The following SEPTIN11 variants were observed in gnomAD, a reference collection of about 807,000 sequenced individuals.
SEPTIN11 encodes the protein septin 11, also known as septin-11.
In SEPTIN11, 25 loss-of-function variants were observed where a neutral mutation model predicts 51.4. That is an observed-to-expected ratio of 0.49 (90% CI 0.35 to 0.68). The LOEUF is 0.68. SEPTIN11 is among the 30% of genes least tolerant of loss of function. The probability of loss-of-function intolerance (pLI) is 0.00; values close to 1 mark genes in which losing one functional copy is unlikely to be tolerated. For missense variants in SEPTIN11, 381 were observed against 520.8 expected (o/e 0.73, Z 2.61); for synonymous variants, 174 against 184.1 (o/e 0.95, Z 0.44).
chr4:76,996,399 C>G, intron 1 of SEPTIN11, 26 bp from the exon 2 acceptor site: 2 of 1,533,746 alleles, frequency 1.3e-6, no homozygotes, highest in African/African-American at 1.4e-5. Flanking sequence ...CATGGACACT[C>G]AAATCTTTCT....
intron 3 of SEPTIN11, among the ~76,000 whole-genome samples, chr4:77,006,027 T>C (rs1724458468): frequency 6.6e-6 from 1 of 152,130 alleles, no homozygotes; most frequent in African/African-American, 2.4e-5. Context: ...AGAAAGGGGC[T>C]TTATTAGAGG....
chr4:76,956,416 C>G (rs987051497), intron 1 of SEPTIN11, among the ~76,000 whole-genome samples: 10 of 152,204 alleles, frequency 6.6e-5, no homozygotes, highest in African/African-American at 1.7e-4. Flanking sequence ...GCATACAGAC[C>G]TCCCATCTGA....
intron 1 of SEPTIN11, chr4:76,974,412 T>G (rs1372231921): frequency 6.0e-6 from 1 of 167,328 alleles, no homozygotes; most frequent in African/African-American, 2.4e-5. Flanking sequence ...ACTGGAGATT[T>G]CATAGAGTGT....
At chr4:76,989,198 T>A (rs1211353085) in intron 1 of SEPTIN11, among the ~76,000 whole-genome samples, 1 of 152,194 alleles carries the variant, frequency 6.6e-6, no homozygotes, top group African/African-American at 2.4e-5. Flanking sequence ...TTATCCATAA[T>A]CTGAGGCGTT....
At position 77,005,604 on chromosome 4, in the gene SEPTIN11, A is replaced by C; in HGVS notation, c.146A>C (p.Glu49Ala). The stretch of plus-strand genomic sequence containing the variant: ...TTTTTCTTTTGTGGTTATGTAGGTG[A>C]GACAGGCATTGGCAAATCCACGTTA... ...GFCFNILCVG[E>A]TGIGKSTLMD... Residue 49 changes from glutamate (E) to alanine (A), a missense_variant, in exon 3 of 10, where the codon GAG becomes GCG. Physicochemically the swap from Glu to Ala is moderately radical, Grantham distance 107. Transcript: ENST00000264893. 1 of 1,612,766 alleles carries C rather than the reference A, an allele frequency of 6.2e-7. No homozygotes were observed. Among genetic ancestry groups the C allele is most frequent in the South Asian group, 1.1e-5 (1 of 90,878 alleles).
intron 7 of SEPTIN11, among the ~76,000 whole-genome samples, chr4:77,022,423 T>TA (rs1291660536): frequency 2.0e-5 from 3 of 151,800 alleles, no homozygotes; most frequent in African/African-American, 2.4e-5. Flanking sequence ...TTAGATCCAG[T>TA]AAAAAAAAAT....
At chr4:76,986,727 C>T (rs1291829846) in intron 1 of SEPTIN11, among the ~76,000 whole-genome samples, 1 of 152,180 alleles carries the variant, frequency 6.6e-6, no homozygotes, top group Non-Finnish European at 1.5e-5. Flanking sequence ...CTATTTTACT[C>T]TGTTAACCTA....
At chr4:77,018,398 G>A (rs542254714) in intron 5 of SEPTIN11, among the ~76,000 whole-genome samples, 53 of 151,080 alleles carry the variant, frequency 3.5e-4, no homozygotes, top group African/African-American at 1.2e-3. Flanking sequence ...GCAGTGAGCC[G>A]AGATCGCGCC....
chr4:77,016,633 C>CAAATATATATATATATAT (rs1375044162), intron 5 of SEPTIN11, among the ~76,000 whole-genome samples: 1 of 72,746 alleles, frequency 1.4e-5, no homozygotes. Flanking sequence ...TATATATACA[C>CAAATATATATATATATAT]ATATATATAT....
In SEPTIN11 at chr4:77,037,334, C is replaced by G. The variant is rs1727100195; in HGVS notation, c.*2822C>G. On this transcript the variant is annotated 3_prime_UTR_variant, in exon 10 of 10. Transcript: ENST00000264893. ...CCAAGATTGCACCACTGCATTCCAA[C>G]CTGGGTGATGAAGTGAGACTCTCCA... 5 of 964,236 alleles carry G rather than the reference C, an allele frequency of 5.2e-6. No homozygotes were observed. Among genetic ancestry groups the G allele is most frequent in the Non-Finnish European group, 6.2e-6 (5 of 810,834 alleles). 59.7% of individuals were successfully genotyped at this position (964,236 alleles called of 1,614,324 possible).
intron 1 of SEPTIN11, among the ~76,000 whole-genome samples, chr4:76,965,969 ACTTTCTGATGGACAACTGCAAG>A (rs528203470): frequency 1.6e-3 from 237 of 152,270 alleles, no homozygotes; most frequent in African/African-American, 5.5e-3. Flanking sequence ...ATTTTCACCA[ACTTTCTGATGGACAACTGCAAG>A]CTTTCAGCTA....
chr4:77,029,249 T>C (rs190485274), intron 8 of SEPTIN11, among the ~76,000 whole-genome samples: 5 of 152,300 alleles, frequency 3.3e-5, no homozygotes, highest in African/African-American at 1.2e-4. Context: ...GCTTCAGCCT[T>C]ACCTTAGTCC....
chr4:76,964,583 G>A (rs1216444927), intron 1 of SEPTIN11, among the ~76,000 whole-genome samples: 2 of 152,112 alleles, frequency 1.3e-5, no homozygotes, highest in Non-Finnish European at 2.9e-5. Context: ...TGAAGTATAT[G>A]GATGGTAAAA....
intron 1 of SEPTIN11, among the ~76,000 whole-genome samples, chr4:76,965,399 T>C (rs1408740706): frequency 2.0e-5 from 3 of 148,314 alleles, no homozygotes; most frequent in Non-Finnish European, 4.4e-5. Flanking sequence ...TGCAGTGAGC[T>C]GAGATTGTGC....
At chr4:76,971,263 A>C (rs1030651509) in intron 1 of SEPTIN11, among the ~76,000 whole-genome samples, 4 of 152,194 alleles carry the variant, frequency 2.6e-5, no homozygotes, top group African/African-American at 9.7e-5. Context: ...TAATATATCA[A>C]ACCTATGAGA....
At chr4:76,973,080 T>A (rs933733717) in intron 1 of SEPTIN11, 1 of 151,100 alleles carries the variant, frequency 6.6e-6, no homozygotes, top group Non-Finnish European at 1.5e-5. Context: ...GGTGAGTAGT[T>A]GAAGTCAGTG....
chr4:77,038,121 A>G lies in SEPTIN11; in HGVS notation c.*3609A>G. 1 of 985,910 alleles carries G rather than the reference A, an allele frequency of 1.0e-6. No homozygotes were observed. The highest frequency in any genetic ancestry group is 1.1e-4 in the East Asian group (1 of 8,822). The allele number at this position is 985,910 out of a possible 1,614,324, so 61.1% of individuals were successfully genotyped here. On this transcript the variant is annotated 3_prime_UTR_variant, in exon 10 of 10. Transcript: ENST00000264893. ...CAAGAGTCTGGAATTGTCAGGTCTC[A>G]GCTTCGAAAAGTCCTGGTTCCACTG...
At chr4:77,023,269 TACACACACACACACACAC>T (rs61693678) in intron 7 of SEPTIN11, among the ~76,000 whole-genome samples, 1 of 139,256 alleles carries the variant, frequency 7.2e-6, no homozygotes, top group Non-Finnish European at 1.5e-5. Flanking sequence ...GGAAAATGTA[TACACACACACACACACAC>T]ACACACACAC....
chr4:76,952,937 G>A (rs1244099811), intron 1 of SEPTIN11, among the ~76,000 whole-genome samples: 1 of 152,194 alleles, frequency 6.6e-6, no homozygotes, highest in Non-Finnish European at 1.5e-5. Context: ...CAGGCTTTAT[G>A]TAGCTGATGG....
Sources: gnomAD v4.1 joint callset for allele counts (sites outside exome capture counted in the v4.1 genomes callset) on GRCh38, gnomAD v4.1.1 for gene constraint, MANE v1.5 for transcripts, NCBI Gene and HGNC (gene_info 2026-07-23, HGNC 2026-07-21) for gene names.